The following ENTREP2 variants were observed in gnomAD, a reference collection of about 807,000 sequenced individuals.
ENTREP2 encodes the protein endosomal transmembrane epsin interactor 2, also known as protein ENTREP2.
chr15:29,532,510 A>C, the ENTREP2 span, among the ~76,000 whole-genome samples: 1 of 152,314 alleles, frequency 6.6e-6, no homozygotes, highest in African/African-American at 2.4e-5. Context: ...AGTAATTACA[A>C]CACCAGCTGT....
At chr15:29,571,237 G>C in the ENTREP2 span, among the ~76,000 whole-genome samples, 1 of 152,116 alleles carries the variant, frequency 6.6e-6, no homozygotes, top group East Asian at 1.9e-4. Context: ...AAGGAGAGCG[G>C]GGGCGGCAGC....
the ENTREP2 span, among the ~76,000 whole-genome samples, chr15:29,415,150 T>G: frequency 6.6e-6 from 1 of 152,188 alleles, no homozygotes; most frequent in African/African-American, 2.4e-5. Context: ...TAACTCATTT[T>G]ATGAGGCCAG....
At chr15:29,159,940 G>T in the ENTREP2 span, among the ~76,000 whole-genome samples, 1 of 152,266 alleles carries the variant, frequency 6.6e-6, no homozygotes, top group Non-Finnish European at 1.5e-5. Flanking sequence ...CAGCCCTTGG[G>T]TGGTGTATGG....
chr15:29,432,771 C>T, the ENTREP2 span, among the ~76,000 whole-genome samples: 1 of 152,142 alleles, frequency 6.6e-6, no homozygotes, highest in Non-Finnish European at 1.5e-5. Flanking sequence ...CCCCAGCTCC[C>T]TGCTGCAGCC....
the ENTREP2 span, among the ~76,000 whole-genome samples, chr15:29,585,016 T>C: frequency 1.3e-5 from 2 of 151,926 alleles, no homozygotes; most frequent in African/African-American, 4.8e-5. Flanking sequence ...GATAGATAGA[T>C]AGATAGATAG....
the ENTREP2 span, among the ~76,000 whole-genome samples, chr15:29,583,559 G>A: frequency 8.5e-5 from 13 of 152,140 alleles, no homozygotes; most frequent in Non-Finnish European, 1.8e-4. Flanking sequence ...TAGGTGATGG[G>A]TTGATAGGTG....
At chr15:29,462,748 T>TG in the ENTREP2 span, among the ~76,000 whole-genome samples, 127 of 152,278 alleles carry the variant, frequency 8.3e-4, 1 homozygote, top group East Asian at 0.014. Context: ...ATATTCTCTC[T>TG]GGGCATGACC....
At chr15:29,410,881 G>T in the ENTREP2 span, among the ~76,000 whole-genome samples, 1 of 152,154 alleles carries the variant, frequency 6.6e-6, no homozygotes, top group Admixed American at 6.5e-5. Context: ...CGCCTCCCAG[G>T]TTCAAGCAAT....
At chr15:29,486,828 G>A in the ENTREP2 span, among the ~76,000 whole-genome samples, 1 of 151,950 alleles carries the variant, frequency 6.6e-6, no homozygotes, top group South Asian at 2.1e-4. Context: ...TGTGATGGCT[G>A]AAAAAAAATG....
the ENTREP2 span, among the ~76,000 whole-genome samples, chr15:29,208,817 A>T: frequency 6.6e-6 from 1 of 152,328 alleles, no homozygotes; most frequent in African/African-American, 2.4e-5. Flanking sequence ...GAGAGTGGGG[A>T]AAACAAAACT....
the ENTREP2 span, among the ~76,000 whole-genome samples, chr15:29,393,474 G>A: frequency 4.6e-5 from 7 of 152,154 alleles, no homozygotes; most frequent in African/African-American, 1.2e-4. Context: ...ACCGCCTGAC[G>A]CTGCTCCCTG....
chr15:29,581,275 T>C, the ENTREP2 span, among the ~76,000 whole-genome samples: 1 of 152,070 alleles, frequency 6.6e-6, no homozygotes, highest in South Asian at 2.1e-4. Context: ...CTTGTAGGGA[T>C]TAAGTATCGT....
chr15:29,409,312 CTCAG>C, the ENTREP2 span, among the ~76,000 whole-genome samples: 9 of 151,982 alleles, frequency 5.9e-5, no homozygotes, highest in East Asian at 1.7e-3. Flanking sequence ...TCATATTATA[CTCAG>C]TATCTTTTTT....
At chr15:29,143,411 G>A in the ENTREP2 span, among the ~76,000 whole-genome samples, 1 of 152,214 alleles carries the variant, frequency 6.6e-6, no homozygotes, top group African/African-American at 2.4e-5. Flanking sequence ...GCTGAGACCC[G>A]CACAGTGGAG....
chr15:29,632,134 G>A, the ENTREP2 span, among the ~76,000 whole-genome samples: 1 of 152,180 alleles, frequency 6.6e-6, no homozygotes, highest in South Asian at 2.1e-4. Context: ...GGCTTCTCTA[G>A]CACCCAGTCC....
the ENTREP2 span, among the ~76,000 whole-genome samples, chr15:29,286,859 T>G: frequency 1.3e-5 from 2 of 152,228 alleles, no homozygotes; most frequent in Non-Finnish European, 1.5e-5. Flanking sequence ...ATAATAGTCT[T>G]TGCTCTCCCT....
chr15:29,160,586 G>A, the ENTREP2 span, among the ~76,000 whole-genome samples: 73 of 151,920 alleles, frequency 4.8e-4, no homozygotes, highest in African/African-American at 1.7e-3. Context: ...GCAGGCACCT[G>A]TAATCCCAGC....
At chr15:29,558,359 ATGAG>A in the ENTREP2 span, among the ~76,000 whole-genome samples, 1 of 151,966 alleles carries the variant, frequency 6.6e-6, no homozygotes, top group Admixed American at 6.5e-5. Flanking sequence ...ACCAGGTAGG[ATGAG>A]TGATGCTACA....
At chr15:29,649,724 C>T in the ENTREP2 span, among the ~76,000 whole-genome samples, 3 of 24,702 alleles carry the variant, frequency 1.2e-4, no homozygotes, top group African/African-American at 5.6e-4. Context: ...ATCTCAACAA[C>T]AACAAAAAAA....
Sources: allele counts gnomAD v4.1 joint callset (sites outside exome capture counted in the v4.1 genomes callset), GRCh38; gene constraint gnomAD v4.1.1; transcripts MANE v1.5; gene names NCBI Gene and HGNC (gene_info 2026-07-23, HGNC 2026-07-21).